The following FHIT variants were observed in gnomAD, a reference collection of about 807,000 sequenced individuals.
FHIT encodes fragile histidine triad diadenosine triphosphatase.
A neutral mutation model predicts 17.9 loss-of-function variants in FHIT; 19 were observed. The observed-to-expected ratio is 1.06, with a 90% CI of 0.74 to 1.56. The LOEUF (loss-of-function observed/expected upper bound fraction) is 1.56. FHIT is among the 40% of genes most tolerant of loss of function. The pLI is 0.00. For synonymous variants in FHIT, 81 were observed against 69.7 expected (o/e 1.16, Z -0.81); for missense variants, 248 against 189.2 (o/e 1.31, Z -1.82).
At chr3:60,627,432 C>T (rs2039319390) in intron 4 of FHIT, among the ~76,000 whole-genome samples, 2 of 152,262 alleles carry the variant, frequency 1.3e-5, no homozygotes, top group South Asian at 2.1e-4. Flanking sequence ...TCCAAGTTAT[C>T]CAATTCATAG....
intron 3 of FHIT, among the ~76,000 whole-genome samples, chr3:61,022,516 A>G (rs1257844903): frequency 3.9e-5 from 6 of 152,252 alleles, no homozygotes; most frequent in Non-Finnish European, 7.3e-5. Context: ...CATCATCCTG[A>G]TACCAAAACC....
intron 4 of FHIT, among the ~76,000 whole-genome samples, chr3:60,768,238 A>G (rs1483872748): frequency 1.3e-5 from 2 of 152,174 alleles, no homozygotes; most frequent in African/African-American, 4.8e-5. Context: ...ACGTTAATTC[A>G]TGGGCTCATG....
In FHIT at chr3:60,419,832, G is replaced by A. The variant is rs896744916; in HGVS notation, c.103+117028C>T. On this transcript the variant is annotated intron_variant, in intron 5 of 9. Transcript: ENST00000492590. ...GTTCAGTTTCTTAATGGGTAAAATG[G>A]GCATAATATCATCTATACTTTTTCT... 2.0e-5 allele frequency among the ~76,000 whole-genome samples: 3 copies of A among 151,942 alleles called. No individual in the cohort carries two copies. The East Asian group carries it at 5.8e-4, about 29-fold the overall frequency.
At chr3:60,894,280 T>G (rs1253291377) in intron 3 of FHIT, among the ~76,000 whole-genome samples, 2 of 152,178 alleles carry the variant, frequency 1.3e-5, no homozygotes, top group East Asian at 3.9e-4. Context: ...GCCTTTCAGG[T>G]GAACATTATT....
chr3:61,182,203 A>C (rs149562542), intron 2 of FHIT, among the ~76,000 whole-genome samples: 83 of 152,288 alleles, frequency 5.5e-4, no homozygotes, highest in African/African-American at 1.9e-3. Flanking sequence ...TGCTCTCCCC[A>C]CCTTGATCAA....
chr3:59,794,483 C>A (rs944242508), intron 8 of FHIT, among the ~76,000 whole-genome samples: 2 of 152,204 alleles, frequency 1.3e-5, no homozygotes, highest in African/African-American at 4.8e-5. Flanking sequence ...AGAGATCACT[C>A]ATTCTTAAAT....
chr3:60,156,972 A>G (rs1352202982), intron 5 of FHIT, among the ~76,000 whole-genome samples: 1 of 152,018 alleles, frequency 6.6e-6, no homozygotes, highest in East Asian at 1.9e-4. Context: ...AGTGTTAGAT[A>G]CGACTCTTAT....
chr3:60,825,655 G>C (rs1256765293), intron 3 of FHIT, among the ~76,000 whole-genome samples: 1 of 152,074 alleles, frequency 6.6e-6, no homozygotes, highest in African/African-American at 2.4e-5. Flanking sequence ...GTGCATGCGA[G>C]GGATCTAGGC....
chr3:60,173,953 C>T (rs1213903565), intron 5 of FHIT, among the ~76,000 whole-genome samples: 2 of 112,144 alleles, frequency 1.8e-5, no homozygotes, highest in Non-Finnish European at 3.6e-5. Flanking sequence ...CTCACTCTGT[C>T]GCTAGGCTGG....
At chr3:60,482,577 C>T (rs2033659812) in intron 5 of FHIT, among the ~76,000 whole-genome samples, 1 of 151,936 alleles carries the variant, frequency 6.6e-6, no homozygotes, top group Admixed American at 6.6e-5. Context: ...CTGAGTGAAT[C>T]CTGGGTAAAT....
At position 60,994,987 on chromosome 3, in the gene FHIT, T is replaced by TAAAA. The variant is rs199603233; in HGVS notation, c.-111+47056_-111+47059dup. Among the ~76,000 whole-genome samples, 241 of 152,258 alleles carry TAAAA rather than the reference T, an allele frequency of 1.6e-3. 1 individual carries two copies. The East Asian group carries it at 0.021, about 13-fold the overall frequency. On this transcript the variant is annotated intron_variant, in intron 3 of 9. Transcript: ENST00000492590. ...AAATTTTAAAAAATTTAGTTTAATT[T>TAAAA]AAAAAGCACTCATTATTCCAGAGAG...
intron 4 of FHIT, among the ~76,000 whole-genome samples, chr3:60,718,847 G>T (rs191672661): frequency 1.5e-4 from 23 of 152,204 alleles, no homozygotes; most frequent in Admixed American, 1.0e-3. Context: ...GTACTAATGT[G>T]CATTACACCT....
chr3:60,460,238 G>T (rs1021989288), intron 5 of FHIT, among the ~76,000 whole-genome samples: 3 of 152,114 alleles, frequency 2.0e-5, no homozygotes, highest in African/African-American at 4.8e-5. Context: ...TAAAATTAGG[G>T]AAAGTCTTTT....
At chr3:60,625,564 G>A (rs1553680646) in intron 4 of FHIT, among the ~76,000 whole-genome samples, 1 of 151,952 alleles carries the variant, frequency 6.6e-6, no homozygotes, top group African/African-American at 2.4e-5. Context: ...ATCTTCTTTG[G>A]ATAAATATCT....
intron 2 of FHIT, among the ~76,000 whole-genome samples, chr3:61,167,855 G>C (rs1369486429): frequency 2.0e-5 from 3 of 152,224 alleles, no homozygotes; most frequent in Admixed American, 1.3e-4. Flanking sequence ...TCTGTATTTA[G>C]GGATCATCCA....
intron 2 of FHIT, among the ~76,000 whole-genome samples, chr3:61,131,948 A>G (rs1338897103): frequency 6.6e-6 from 1 of 152,256 alleles, no homozygotes; most frequent in African/African-American, 2.4e-5. Flanking sequence ...TGAAGAAAAC[A>G]GCATTTATCA....
At chr3:59,819,552 C>T (rs138778790) in intron 8 of FHIT, among the ~76,000 whole-genome samples, 162 of 152,280 alleles carry the variant, frequency 1.1e-3, no homozygotes, top group African/African-American at 3.7e-3. Flanking sequence ...CCACCCTGCT[C>T]CAGTCCTGGT....
At chr3:60,450,742 A>G (rs995620580) in intron 5 of FHIT, among the ~76,000 whole-genome samples, 4 of 152,138 alleles carry the variant, frequency 2.6e-5, no homozygotes, top group African/African-American at 9.7e-5. Flanking sequence ...TTGATATAGA[A>G]AAGTTGTGTG....
intron 5 of FHIT, among the ~76,000 whole-genome samples, chr3:60,396,374 T>A (rs1317632200): frequency 1.3e-5 from 2 of 152,162 alleles, no homozygotes; most frequent in African/African-American, 2.4e-5. Context: ...GATAAGTTTA[T>A]GAGCGAGTGA....
Sources: allele counts gnomAD v4.1 joint callset (sites outside exome capture counted in the v4.1 genomes callset), GRCh38; gene constraint gnomAD v4.1.1; transcripts MANE v1.5; gene names NCBI Gene and HGNC (gene_info 2026-07-23, HGNC 2026-07-21).